The following PCDH9 variants were observed in gnomAD, a reference collection of about 807,000 sequenced individuals.
The protein encoded by PCDH9 is protocadherin 9.
A neutral mutation model predicts 70.6 loss-of-function variants in PCDH9; 24 were observed. The observed-to-expected ratio is 0.34, with a 90% CI of 0.25 to 0.48. The LOEUF (loss-of-function observed/expected upper bound fraction) is 0.48. PCDH9 is among the 20% of genes least tolerant of loss of function. PCDH9 has a pLI of 0.99. For missense variants in PCDH9, 1,281 were observed against 1,503.6 expected (o/e 0.85, Z 2.45); for synonymous variants, 562 against 558.5 (o/e 1.01, Z -0.09).
intron 4 of PCDH9, among the ~76,000 whole-genome samples, chr13:66,501,793 C>T (rs1223542792): frequency 6.6e-6 from 1 of 152,004 alleles, no homozygotes; most frequent in East Asian, 1.9e-4. Flanking sequence ...TTTGGGGACC[C>T]TTTTTAATGT....
intron 2 of PCDH9, among the ~76,000 whole-genome samples, chr13:67,157,369 C>A (rs1032114384): frequency 6.6e-6 from 1 of 152,050 alleles, no homozygotes; most frequent in Admixed American, 6.6e-5. Flanking sequence ...AATTTGCATG[C>A]CTTTAAGACA....
intron 3 of PCDH9, among the ~76,000 whole-genome samples, chr13:66,901,076 A>G (rs1407862316): frequency 6.6e-6 from 1 of 151,720 alleles, no homozygotes; most frequent in Non-Finnish European, 1.5e-5. Flanking sequence ...TACAGATATT[A>G]AGCATTTATA....
At chr13:66,655,124 C>T (rs2077911034) in intron 3 of PCDH9, among the ~76,000 whole-genome samples, 1 of 151,554 alleles carries the variant, frequency 6.6e-6, no homozygotes, top group Non-Finnish European at 1.5e-5. Context: ...CATTTATGCT[C>T]AGAATGTCTT....
chr13:66,349,028 G>A (rs768051975), intron 4 of PCDH9, among the ~76,000 whole-genome samples: 2 of 152,106 alleles, frequency 1.3e-5, no homozygotes, highest in Admixed American at 6.6e-5. Flanking sequence ...CACATTAGAA[G>A]TATCTAGAAA....
intron 2 of PCDH9, among the ~76,000 whole-genome samples, chr13:67,070,013 C>T (rs1200965207): frequency 6.6e-6 from 1 of 151,344 alleles, no homozygotes; most frequent in Non-Finnish European, 1.5e-5. Flanking sequence ...TTGAAATGTT[C>T]TTGATTTTTA....
chr13:66,956,113 G>C (rs1386328885), intron 2 of PCDH9, among the ~76,000 whole-genome samples: 1 of 151,752 alleles, frequency 6.6e-6, no homozygotes, highest in African/African-American at 2.4e-5. Flanking sequence ...CAAAAACAGA[G>C]GGCTGAGCTT....
intron 2 of PCDH9, among the ~76,000 whole-genome samples, chr13:66,966,450 C>T (rs7997315): frequency 0.99 from 150,930 of 152,196 alleles, 74,849 homozygotes; most frequent in East Asian, 1. Flanking sequence ...CTCTGTATGG[C>T]GTCTGTAATG....
intron 2 of PCDH9, among the ~76,000 whole-genome samples, chr13:67,101,760 A>AAG (rs2086440012): frequency 8.7e-6 from 1 of 114,406 alleles, no homozygotes; most frequent in African/African-American, 3.2e-5. Flanking sequence ...CTTCAATTAA[A>AAG]CCAATTCTCT....
At chr13:66,625,070 A>G (rs2077480798) in intron 4 of PCDH9, among the ~76,000 whole-genome samples, 1 of 152,214 alleles carries the variant, frequency 6.6e-6, no homozygotes, top group Admixed American at 6.5e-5. Flanking sequence ...ATAGAGTAAT[A>G]TTAAGGCAAA....
intron 4 of PCDH9, among the ~76,000 whole-genome samples, chr13:66,337,412 C>A (rs1956054601): frequency 6.6e-6 from 1 of 152,026 alleles, no homozygotes; most frequent in South Asian, 2.1e-4. Context: ...CCTAAGAGTT[C>A]TGCATTCTGG....
chr13:66,588,292 C>A (rs2076990743), intron 4 of PCDH9, among the ~76,000 whole-genome samples: 3 of 151,964 alleles, frequency 2.0e-5, no homozygotes, highest in Non-Finnish European at 4.4e-5. Context: ...TACCTTACCT[C>A]AAAGGCCTTC....
At chr13:66,426,286 G>A (rs1957668997) in intron 4 of PCDH9, among the ~76,000 whole-genome samples, 1 of 151,264 alleles carries the variant, frequency 6.6e-6, no homozygotes, top group South Asian at 2.1e-4. Context: ...AACCTAATGA[G>A]AGCAGTAGAC....
At chr13:66,861,147 T>C (rs1015658764) in intron 3 of PCDH9, among the ~76,000 whole-genome samples, 10 of 152,180 alleles carry the variant, frequency 6.6e-5, no homozygotes, top group African/African-American at 2.4e-4. Flanking sequence ...TGGGGTGGTG[T>C]GAAAATCACC....
chr13:67,167,771 G>A (rs1045184591), intron 2 of PCDH9, among the ~76,000 whole-genome samples: 6 of 151,956 alleles, frequency 3.9e-5, no homozygotes, highest in African/African-American at 1.2e-4. Flanking sequence ...TGATTCCACC[G>A]TGGAACTAAT....
At chr13:66,750,699 G>T (rs2079443952) in intron 3 of PCDH9, among the ~76,000 whole-genome samples, 1 of 151,658 alleles carries the variant, frequency 6.6e-6, no homozygotes, top group Admixed American at 6.6e-5. Flanking sequence ...CCTTAAACAT[G>T]TACTGGGTTG....
chr13:66,888,531 T>C (rs2082045401), intron 3 of PCDH9, among the ~76,000 whole-genome samples: 1 of 149,112 alleles, frequency 6.7e-6, no homozygotes, highest in South Asian at 2.1e-4. Context: ...AAAATAAATA[T>C]CAGCCTGTCC....
At chr13:66,316,775 T>G (rs927809010) in intron 4 of PCDH9, among the ~76,000 whole-genome samples, 1 of 152,132 alleles carries the variant, frequency 6.6e-6, no homozygotes, top group Non-Finnish European at 1.5e-5. Context: ...CAGGCTGGAG[T>G]AAAATGGCGT....
intron 4 of PCDH9, among the ~76,000 whole-genome samples, chr13:66,508,528 G>T (rs184014636): frequency 2.0e-5 from 3 of 151,998 alleles, no homozygotes; most frequent in African/African-American, 7.2e-5. Context: ...ACCAAAGAAC[G>T]GACCATTACT....
chr13:66,919,606 A>T (rs2139640111), intron 2 of PCDH9, among the ~76,000 whole-genome samples: 1 of 151,330 alleles, frequency 6.6e-6, no homozygotes, highest in South Asian at 2.1e-4. Context: ...AATTGGAGAA[A>T]CTGAATATTT....
Sources: allele counts gnomAD v4.1 joint callset (sites outside exome capture counted in the v4.1 genomes callset), GRCh38; gene constraint gnomAD v4.1.1; transcripts MANE v1.5; gene names NCBI Gene and HGNC (gene_info 2026-07-23, HGNC 2026-07-21).